Variants in KIFAP3 observed in about 807,000 individuals in gnomAD.
KIFAP3 encodes the protein kinesin associated protein 3.
A neutral mutation model predicts 106.5 loss-of-function variants in KIFAP3; 68 were observed. The ratio of observed to expected loss-of-function variants is 0.64; its 90% confidence interval spans 0.53 to 0.78. The LOEUF (loss-of-function observed/expected upper bound fraction) is 0.78. Among genes scored for constraint, KIFAP3 ranks in the 30% least tolerant of loss-of-function variants. KIFAP3 has a pLI of 0.00. For synonymous variants in KIFAP3, 320 were observed against 311.5 expected, an observed-to-expected ratio of 1.03 and a Z score of -0.29; for missense variants, 780 against 941.8, an observed-to-expected ratio of 0.83 and a Z score of 2.25.
intron 10 of KIFAP3, among the ~76,000 whole-genome samples, chr1:170,014,585 T>C (rs1180505576): frequency 6.6e-6 from 1 of 152,192 alleles, no homozygotes; most frequent in Non-Finnish European, 1.5e-5. Context: ...CCTATATATC[T>C]GTAGGTTGAA....
chr1:169,941,857 AC>A (rs1434930118), intron 19 of KIFAP3, among the ~76,000 whole-genome samples: 1 of 152,210 alleles, frequency 6.6e-6, no homozygotes, highest in African/African-American at 2.4e-5. Context: ...TTTCATTGTA[AC>A]AAAAAAGAAA....
intron 2 of KIFAP3, among the ~76,000 whole-genome samples, chr1:170,053,005 A>G (rs1386373015): frequency 6.6e-6 from 1 of 152,228 alleles, no homozygotes; most frequent in African/African-American, 2.4e-5. Flanking sequence ...CAATCAGGCA[A>G]GAGAAAGAAG....
At position 170,065,803 on chromosome 1, in the gene KIFAP3, T is replaced by A. The variant is rs7522222; in HGVS notation, c.32+8633A>T. 2.0e-5 allele frequency among the ~76,000 whole-genome samples: 3 copies of A among 152,112 alleles called. No individual in the cohort carries two copies. In the East Asian group the frequency reaches 5.8e-4, roughly 29 times the overall value. ...TTAGCTGTACTAACCACGTTCAAAGTGTTCATTAGCCATACAGCCAGTGGC... is the reference window on the plus strand; with the variant it reads ...TTAGCTGTACTAACCACGTTCAAAGAGTTCATTAGCCATACAGCCAGTGGC... On this transcript the variant is annotated intron_variant, in intron 1 of 19. Transcript: ENST00000361580.
At chr1:170,007,396 A>G (rs1266860223) in intron 10 of KIFAP3, among the ~76,000 whole-genome samples, 1 of 152,082 alleles carries the variant, frequency 6.6e-6, no homozygotes. Context: ...ATGAAAGGGA[A>G]GAGGGAAAAT....
intron 15 of KIFAP3, among the ~76,000 whole-genome samples, chr1:169,980,673 A>C (rs1481540734): frequency 6.6e-6 from 1 of 152,206 alleles, no homozygotes; most frequent in Non-Finnish European, 1.5e-5. Flanking sequence ...GAGGACAATA[A>C]ATTCGGATCT....
chr1:169,946,632 T>C (rs941172212), intron 19 of KIFAP3, among the ~76,000 whole-genome samples: 4 of 152,018 alleles, frequency 2.6e-5, no homozygotes, highest in African/African-American at 4.8e-5. Flanking sequence ...ATTGTGAAAA[T>C]AGGGACAATA....
chr1:169,983,740 A>G (rs1666649139), intron 12 of KIFAP3, among the ~76,000 whole-genome samples: 1 of 151,906 alleles, frequency 6.6e-6, no homozygotes, highest in Non-Finnish European at 1.5e-5. Context: ...TACAAATGTT[A>G]AAAACAAAAA....
intron 17 of KIFAP3, among the ~76,000 whole-genome samples, chr1:169,965,447 T>G (rs1665562252): frequency 1.3e-5 from 2 of 152,008 alleles, no homozygotes; most frequent in Non-Finnish European, 2.9e-5. Flanking sequence ...GCTATTCCAG[T>G]AAGAGTAAAA....
At chr1:169,974,604 A>T (rs977535857) in intron 16 of KIFAP3, among the ~76,000 whole-genome samples, 4 of 152,052 alleles carry the variant, frequency 2.6e-5, no homozygotes, top group Non-Finnish European at 2.9e-5. Flanking sequence ...TGCATTTTTT[A>T]AAAATATGTA....
chr1:170,008,438 C>A (rs1259188674), intron 10 of KIFAP3, among the ~76,000 whole-genome samples: 1 of 151,514 alleles, frequency 6.6e-6, no homozygotes, highest in African/African-American at 2.4e-5. Flanking sequence ...AAACAAACAA[C>A]CCCATCAAAA....
chr1:170,022,451 A>G (rs991248224), intron 9 of KIFAP3, among the ~76,000 whole-genome samples: 2 of 152,056 alleles, frequency 1.3e-5, no homozygotes, highest in Non-Finnish European at 2.9e-5. Flanking sequence ...AAGACCTAAG[A>G]TATTTTTCCC....
chr1:169,945,870 T>TAA (rs1664415875), intron 19 of KIFAP3, among the ~76,000 whole-genome samples: 1 of 152,206 alleles, frequency 6.6e-6, no homozygotes, highest in Non-Finnish European at 1.5e-5. Flanking sequence ...TGTGTGATAA[T>TAA]CTAATAAAAT....
At chr1:169,962,296 A>T (rs1665380987) in intron 17 of KIFAP3, among the ~76,000 whole-genome samples, 3 of 152,168 alleles carry the variant, frequency 2.0e-5, no homozygotes, top group South Asian at 2.1e-4. Flanking sequence ...GTCAGAAAGA[A>T]AGTTCTTGGT....
At chr1:170,001,073 T>C (rs1473158612) in intron 10 of KIFAP3, among the ~76,000 whole-genome samples, 6 of 152,128 alleles carry the variant, frequency 3.9e-5, no homozygotes, top group Non-Finnish European at 8.8e-5. Context: ...TTCATTTGTT[T>C]TAGTATGTAC....
chr1:170,013,292 T>C (rs1225656845), intron 10 of KIFAP3, among the ~76,000 whole-genome samples: 2 of 152,038 alleles, frequency 1.3e-5, no homozygotes, highest in African/African-American at 2.4e-5. Flanking sequence ...CTTAATAATA[T>C]AAGCCTGGAG....
chr1:170,010,506 A>C (rs1668188359), intron 10 of KIFAP3, among the ~76,000 whole-genome samples: 1 of 151,968 alleles, frequency 6.6e-6, no homozygotes, highest in South Asian at 2.1e-4. Context: ...GCTGAGCTAT[A>C]ACACAATTTC....
intron 19 of KIFAP3, among the ~76,000 whole-genome samples, chr1:169,942,624 T>C (rs551122280): frequency 6.6e-6 from 1 of 152,310 alleles, no homozygotes; most frequent in African/African-American, 2.4e-5. Context: ...AAGGAGGAAA[T>C]TTTATTCTCA....
rs776108335 is a variant in KIFAP3 at position 169,921,797 on chromosome 1, A to T, written c.2274-16T>A. 2.5e-6 allele frequency: 4 copies of T among 1,581,376 alleles called. No individual in the cohort carries two copies. The highest frequency in any genetic ancestry group is 2.2e-5 in the East Asian group (1 of 44,648). ...CATTCCAAGGCTAAAAAAGAAAAAA[A>T]AGAATGATAAGCTATGTTTTTCATC... On this transcript the variant is annotated splice_polypyrimidine_tract_variant and intron_variant, in intron 19 of 19. Coordinates refer to ENST00000361580, the MANE Select transcript of KIFAP3 (RefSeq NM_014970.4).
At chr1:170,035,985 T>G (rs1412065684) in intron 5 of KIFAP3, among the ~76,000 whole-genome samples, 1 of 152,012 alleles carries the variant, frequency 6.6e-6, no homozygotes, top group African/African-American at 2.4e-5. Flanking sequence ...AGCAGGTTAG[T>G]AGACTAACAC....
Sources: gnomAD v4.1 joint callset for allele counts (sites outside exome capture counted in the v4.1 genomes callset) on GRCh38, gnomAD v4.1.1 for gene constraint, MANE v1.5 for transcripts, NCBI Gene and HGNC (gene_info 2026-07-23, HGNC 2026-07-21) for gene names.